COL4A5: variants seen among roughly 807,000 people sequenced by gnomAD.
COL4A5 encodes the protein collagen type IV alpha 5 chain, also known as collagen alpha-5(IV) chain.
COL4A5 carries 26 observed loss-of-function variants against 130.2 expected under a neutral mutation model. That is an observed-to-expected ratio of 0.20 (90% confidence interval 0.15 to 0.28). COL4A5 has a LOEUF of 0.28. COL4A5 is among the 10% of genes least tolerant of loss of function. The pLI is 1.00. For missense variants in COL4A5, 1,131 were observed against 1,344.3 expected, an observed-to-expected ratio of 0.84 and a Z score of 2.48; for synonymous variants, 496 against 439.6, an observed-to-expected ratio of 1.13 and a Z score of -1.60.
chrX:108,638,374 T>G (rs1262976442), intron 36 of COL4A5, among the ~76,000 whole-genome samples: 1 of 110,768 alleles, frequency 9.0e-6, no homozygotes, highest in East Asian at 2.8e-4. Flanking sequence ...AATTCAACAC[T>G]GTTTCATGAT....
intron 1 of COL4A5, among the ~76,000 whole-genome samples, chrX:108,483,178 C>T (rs916738450): frequency 9.2e-6 from 1 of 109,259 alleles, no homozygotes; most frequent in African/African-American, 3.4e-5. Flanking sequence ...TCAGGATTCT[C>T]TTAAAGGGAC....
intron 29 of COL4A5, among the ~76,000 whole-genome samples, chrX:108,614,304 G>C (rs2066887289): frequency 9.0e-6 from 1 of 111,520 alleles, no homozygotes; most frequent in Non-Finnish European, 1.9e-5. Flanking sequence ...GGCTTTTTTG[G>C]GTTTATGAAA....
intron 48 of COL4A5, 112 bp from the exon 49 acceptor site, chrX:108,687,368 CTA>C (rs774767996): frequency 7.8e-4 from 511 of 654,948 alleles, no homozygotes; most frequent in Non-Finnish European, 1.2e-3. Flanking sequence ...TATAGACACT[CTA>C]TAAATATCAA....
chrX:108,516,646 G>T (rs2065224019), intron 1 of COL4A5, among the ~76,000 whole-genome samples: 1 of 111,638 alleles, frequency 9.0e-6, no homozygotes, highest in African/African-American at 3.2e-5. Context: ...TTACAGTAAG[G>T]CTATATCTGT....
At chrX:108,649,438 T>C (rs1260554033) in intron 36 of COL4A5, among the ~76,000 whole-genome samples, 2 of 111,797 alleles carry the variant, frequency 1.8e-5, no homozygotes, top group Non-Finnish European at 3.8e-5. Flanking sequence ...AAAAAGTGCC[T>C]GCATAGCCAA....
rs1381037341 is a variant in COL4A5 at position 108,658,833 on chromosome X, T to C, written c.3373+3376T>C. On this transcript the variant is annotated intron_variant, in intron 37 of 52. Coordinates refer to ENST00000328300, the MANE Select transcript of COL4A5 (RefSeq NM_033380.3). ...CTCTGAGGCATTCATTAAGCTTTAT[T>C]AATTGTTAAAAATTAACTTTCGTAA... Among the ~76,000 whole-genome samples, 6 of 111,397 alleles carry C rather than the reference T, an allele frequency of 5.4e-5. No individual in the cohort carries two copies. The Admixed American group carries it at 5.7e-4, about 11-fold the overall frequency.
At chrX:108,593,750 A>G (rs1223546684) in intron 21 of COL4A5, among the ~76,000 whole-genome samples, 1 of 109,974 alleles carries the variant, frequency 9.1e-6, no homozygotes, top group Non-Finnish European at 1.9e-5. Context: ...TGACTGCTCT[A>G]TTCTGTTCTG....
intron 1 of COL4A5, among the ~76,000 whole-genome samples, chrX:108,479,349 C>T (rs1026570659): frequency 8.0e-5 from 9 of 112,510 alleles, no homozygotes; most frequent in African/African-American, 2.9e-4. Flanking sequence ...AATCAGTATA[C>T]AATCGCACAT....
chrX:108,493,807 G>GAA (rs5903326), intron 1 of COL4A5, among the ~76,000 whole-genome samples: 1 of 86,739 alleles, frequency 1.2e-5, no homozygotes. Context: ...AATCTAAAAA[G>GAA]AAAAAAAAAA....
At chrX:108,626,391 T>A (rs781579979) in intron 36 of COL4A5, 42 bp downstream of exon 36, 11 of 1,202,623 alleles carry the variant, frequency 9.1e-6, no homozygotes, top group Non-Finnish European at 1.1e-5. Flanking sequence ...CTTGAGCAGA[T>A]ATGAAATTTT....
chrX:108,626,757 G>A, intron 36 of COL4A5: 2 of 841,978 alleles, frequency 2.4e-6, no homozygotes, highest in Non-Finnish European at 2.9e-6. Flanking sequence ...TCTTAACTGC[G>A]TGTCTGAGAT....
At chrX:108,685,099 T>C (rs1603321306) in intron 47 of COL4A5, among the ~76,000 whole-genome samples, 2 of 112,197 alleles carry the variant, frequency 1.8e-5, no homozygotes, top group South Asian at 7.3e-4. Flanking sequence ...TGATGGAACA[T>C]ATCTCAAAAT....
chrX:108,477,833 A>G (rs1025572896), intron 1 of COL4A5, among the ~76,000 whole-genome samples: 40 of 109,519 alleles, frequency 3.7e-4, no homozygotes, highest in African/African-American at 6.3e-4. Flanking sequence ...AAAAAAAAAA[A>G]AAGAAGAAGG....
At chrX:108,686,740 A>G (rs1330208342) in intron 48 of COL4A5, among the ~76,000 whole-genome samples, 2 of 112,521 alleles carry the variant, frequency 1.8e-5, no homozygotes, top group African/African-American at 6.5e-5. Context: ...ATAGAGGATC[A>G]TACATTATAT....
intron 1 of COL4A5, among the ~76,000 whole-genome samples, chrX:108,536,932 C>G (rs112203467): frequency 1.8e-5 from 2 of 111,271 alleles, no homozygotes; most frequent in Admixed American, 9.6e-5. Flanking sequence ...TATCATTATT[C>G]CATTGTATTT....
intron 1 of COL4A5, among the ~76,000 whole-genome samples, chrX:108,537,295 T>C: frequency 9.0e-6 from 1 of 111,445 alleles, no homozygotes; most frequent in Non-Finnish European, 1.9e-5. Flanking sequence ...TCTCATAACC[T>C]AGGTGGAATA....
chrX:108,546,958 A>G (rs941549191), intron 2 of COL4A5, among the ~76,000 whole-genome samples: 19 of 112,161 alleles, frequency 1.7e-4, no homozygotes, highest in African/African-American at 5.2e-4. Flanking sequence ...TTTCAGCCCC[A>G]TCAGGTCCTT....
intron 31 of COL4A5, among the ~76,000 whole-genome samples, chrX:108,621,022 C>T (rs1210383973): frequency 1.8e-5 from 2 of 110,488 alleles, no homozygotes. Context: ...CCCTTTTTTT[C>T]TTTCTTTTTC....
At chrX:108,609,881 G>A (rs1445057733) in intron 29 of COL4A5, among the ~76,000 whole-genome samples, 2 of 108,369 alleles carry the variant, frequency 1.8e-5, no homozygotes, top group Non-Finnish European at 3.8e-5. Flanking sequence ...TTATTTTGCT[G>A]TCATTAAGCC....
Sources: allele counts gnomAD v4.1 joint callset (sites outside exome capture counted in the v4.1 genomes callset), GRCh38; gene constraint gnomAD v4.1.1; transcripts MANE v1.5; gene names NCBI Gene and HGNC (gene_info 2026-07-23, HGNC 2026-07-21).